Variants in PEX1 observed in about 807,000 individuals in gnomAD.
PEX1 encodes the protein peroxisomal biogenesis factor 1, also known as peroxisomal ATPase PEX1.
A neutral mutation model predicts 152.5 loss-of-function variants in PEX1; 97 were observed. The observed-to-expected ratio is 0.64, with a 90% CI of 0.54 to 0.75. The LOEUF (loss-of-function observed/expected upper bound fraction) is 0.75, where lower values mean the gene tolerates loss of function less well. Ranked by LOEUF, PEX1 falls within the 30% of genes least tolerant of loss-of-function variation. PEX1 has a pLI of 0.00. For synonymous variants in PEX1, 485 were observed against 531.6 expected (o/e 0.91, Z 1.21); for missense variants, 1,357 against 1,516.3 (o/e 0.89, Z 1.74).
chr7:92,527,867 G>T (rs1264955517), intron 1 of PEX1, among the ~76,000 whole-genome samples: 1 of 152,246 alleles, frequency 6.6e-6, no homozygotes, highest in African/African-American at 2.4e-5. Flanking sequence ...CTCATGGGAC[G>T]CGGTGCTTAG....
intron 16 of PEX1, among the ~76,000 whole-genome samples, chr7:92,498,907 TTATG>T (rs1461248372): frequency 6.6e-5 from 10 of 152,228 alleles, no homozygotes; most frequent in Non-Finnish European, 1.3e-4. Flanking sequence ...ATCTGAGCAT[TTATG>T]TATAATTCTG....
At chr7:92,511,558 T>G (rs376008732) in intron 7 of PEX1, 22 bp downstream of exon 7, 6 of 1,593,826 alleles carry the variant, frequency 3.8e-6, no homozygotes, top group Non-Finnish European at 5.2e-6. Context: ...GAAAAAAAAG[T>G]CAAAATAACA....
At chr7:92,517,199 A>C (rs1792828656) in intron 5 of PEX1, 77 bp downstream of exon 5, 3 of 1,118,914 alleles carry the variant, frequency 2.7e-6, no homozygotes, top group Non-Finnish European at 4.1e-6. Flanking sequence ...TTTATATATG[A>C]AATACTATTC....
chr7:92,509,181 TA>T, intron 9 of PEX1, 147 bp downstream of exon 9: 1 of 643,206 alleles, frequency 1.6e-6, no homozygotes, highest in Non-Finnish European at 2.8e-6. Context: ...GGCGTGAAGA[TA>T]GAGACAATCC....
At chr7:92,498,932 A>G (rs1791789487) in intron 16 of PEX1, among the ~76,000 whole-genome samples, 1 of 152,236 alleles carries the variant, frequency 6.6e-6, no homozygotes, top group Non-Finnish European at 1.5e-5. Context: ...TTCACAATGC[A>G]TGAAGATTGC....
rs1365047750 is a variant in PEX1 at position 92,501,674 on chromosome 7, C to T, written c.2417-1G>A. On this transcript the variant is annotated splice_acceptor_variant, in intron 14 of 23. Coordinates refer to ENST00000248633, the MANE Select transcript of PEX1 (RefSeq NM_000466.3). LOFTEE classifies it high-confidence loss of function. Reference sequence around the variant, plus strand: ...AAGTCCAATGTTGTTAAAACTAATTCTGTTTAAAAATAAACAAAACTTCTT... The same window carrying T: ...AAGTCCAATGTTGTTAAAACTAATTTTGTTTAAAAATAAACAAAACTTCTT... The T allele has an allele frequency of 1.2e-6, 2 of 1,611,350 alleles. No individual in the cohort carries two copies. The highest frequency in any genetic ancestry group is 1.7e-6 in the Non-Finnish European group (2 of 1,177,618).
chr7:92,514,076 C>G (rs182459588), intron 5 of PEX1, 109 bp from the exon 6 acceptor site: 12 of 706,182 alleles, frequency 1.7e-5, no homozygotes, highest in Admixed American at 2.7e-5. Flanking sequence ...GGTGAAATAA[C>G]AGAAGCTATC....
intron 12 of PEX1, 135 bp from the exon 13 acceptor site, chr7:92,503,330 C>A: frequency 2.7e-6 from 2 of 744,080 alleles, no homozygotes; most frequent in Non-Finnish European, 4.5e-6. Flanking sequence ...TCTTTCATGT[C>A]TTTAAAAAAT....
chr7:92,489,521 G>A (rs1406601862), intron 22 of PEX1, 98 bp from the exon 23 acceptor site: 2 of 1,148,900 alleles, frequency 1.7e-6, no homozygotes, highest in Admixed American at 1.9e-5. Flanking sequence ...TTTTTCAAGA[G>A]ACCATACGTT....
intron 16 of PEX1, 22 bp downstream of exon 16, chr7:92,499,682 A>G (rs750587353): frequency 5.3e-5 from 85 of 1,593,084 alleles, no homozygotes; most frequent in Non-Finnish European, 7.1e-5. Flanking sequence ...AAATAAAAAA[A>G]GAAGATAAGT....
intron 8 of PEX1, 147 bp from the exon 9 acceptor site, chr7:92,509,558 A>G (rs1408587989): frequency 3.1e-6 from 2 of 651,370 alleles, no homozygotes; most frequent in Non-Finnish European, 5.5e-6. Flanking sequence ...CACCCTTGAC[A>G]ATAACAATGT....
rs1398522594 is a variant in PEX1 at position 92,523,196 on chromosome 7, A to G, written c.130-951T>C. Among the ~76,000 whole-genome samples the G allele has an allele frequency of 2.0e-4, 30 of 152,348 alleles. No homozygotes were observed. The East Asian group carries it at 5.6e-3, about 28-fold the overall frequency. On this transcript the variant is annotated intron_variant, in intron 1 of 23. Transcript: ENST00000248633. ...TATTCTCTCCACAAACAAGACAACC[A>G]TGTGAACAATTTGGTCTATTTCTTG...
intron 21 of PEX1, chr7:92,490,133 A>G (rs188784813): frequency 4.9e-4 from 280 of 573,758 alleles, no homozygotes; most frequent in Middle Eastern, 1.4e-3. Context: ...GAAAATTGCC[A>G]TAACACAGGG....
At chr7:92,512,679 G>A (rs1792533310) in intron 6 of PEX1, among the ~76,000 whole-genome samples, 1 of 151,936 alleles carries the variant, frequency 6.6e-6, no homozygotes, top group African/African-American at 2.4e-5. Context: ...TAGTAGAGAT[G>A]GGGTTTCACC....
intron 1 of PEX1, among the ~76,000 whole-genome samples, chr7:92,526,037 G>A (rs769020316): frequency 5.9e-5 from 9 of 152,214 alleles, no homozygotes; most frequent in Non-Finnish European, 1.2e-4. Flanking sequence ...GGTAGGTTGG[G>A]TGATGCAGAG....
Position 92,511,588 on chromosome 7 carries a change from G to T in PEX1, c.1475C>A (p.Thr492Asn). ...ISEEEFIKLE[T>N]KDGLKEFSLS... is the part of the protein sequence containing the mutation. ...ATAACAAATGTACTCACCATCTTTAGTTTCCAGCTTAATAAATTCTTCCTC... is the reference window on the plus strand; with the variant it reads ...ATAACAAATGTACTCACCATCTTTATTTTCCAGCTTAATAAATTCTTCCTC... The change falls in exon 7 of 24, where the codon ACT (threonine) becomes AAT (asparagine). Residue 492 changes from threonine to asparagine, a missense_variant. By Grantham distance (65) the Thr-to-Asn change is moderately conservative (BLOSUM62 0). Transcript: ENST00000248633. The T allele has an allele frequency of 6.2e-7, 1 of 1,610,612 alleles. No individual in the cohort carries two copies. Among genetic ancestry groups the T allele is most frequent in the Non-Finnish European group, 8.5e-7 (1 of 1,177,552 alleles).
intron 14 of PEX1, 63 bp downstream of exon 14, chr7:92,501,827 A>T: frequency 6.8e-7 from 1 of 1,467,814 alleles, no homozygotes; most frequent in Non-Finnish European, 9.5e-7. Context: ...TTGTCTTACT[A>T]CAATTACATT....
At chr7:92,503,339 A>C (rs1158233690) in intron 12 of PEX1, 144 bp from the exon 13 acceptor site, 3 of 718,564 alleles carry the variant, frequency 4.2e-6, no homozygotes, top group Non-Finnish European at 7.0e-6. Context: ...TCTTTAAAAA[A>C]TGAATCCATC....
At position 92,504,709 on chromosome 7, in the gene PEX1, A is replaced by G. The variant is rs1289900009; in HGVS notation, c.2071+23T>C. On this transcript the variant is annotated intron_variant, in intron 12 of 23. Coordinates refer to ENST00000248633, the MANE Select transcript of PEX1 (RefSeq NM_000466.3). ...CTGACTGACAAAAGAACAAGACCTT[A>G]AGCCAGTGGTGGATGCATTTACCAT... The G allele has an allele frequency of 1.9e-6, 3 of 1,610,604 alleles. No individual in the cohort carries two copies. The Admixed American group carries it at 5.0e-5, about 27-fold the overall frequency.
Sources: gnomAD v4.1 joint callset for allele counts (sites outside exome capture counted in the v4.1 genomes callset) on GRCh38, gnomAD v4.1.1 for gene constraint, MANE v1.5 for transcripts, NCBI Gene and HGNC (gene_info 2026-07-23, HGNC 2026-07-21) for gene names.